Variants in LOXHD1 observed in about 807,000 individuals in gnomAD.
The protein encoded by LOXHD1 is lipoxygenase homology PLAT domains 1.
Under a neutral mutation model 248.2 loss-of-function variants are expected in LOXHD1, and 205 were observed. The ratio of observed to expected loss-of-function variants is 0.83; its 90% CI spans 0.74 to 0.93. The LOEUF (loss-of-function observed/expected upper bound fraction) is 0.93, where lower values mean the gene tolerates loss of function less well. Ranked by LOEUF, LOXHD1 falls within the 40% of genes least tolerant of loss-of-function variation. The pLI, the probability that LOXHD1 is intolerant of heterozygous loss-of-function variation, is 0.00. For synonymous variants in LOXHD1, 1,113 were observed against 1,162.8 expected, an observed-to-expected ratio of 0.96 and a Z score of 0.87; for missense variants, 2,930 against 2,971.6, an observed-to-expected ratio of 0.99 and a Z score of 0.33.
chr18:46,638,483 A>G lies in LOXHD1; in HGVS notation c.511+1133T>C, dbSNP rs544001648. Among the ~76,000 whole-genome samples the G allele has an allele frequency of 5.9e-5, 9 of 152,304 alleles. No individual in the cohort carries two copies. In the South Asian group the frequency reaches 1.9e-3, roughly 32 times the overall value. On this transcript the variant is annotated intron_variant, in intron 4 of 40. Transcript: ENST00000642948. ...CTCGTCTCTACGGTAAATACAAAAA[A>G]TTAGCTGGGTGTGGTGTCAGGCACC...
At chr18:46,501,137 A>G (rs796445931) in intron 37 of LOXHD1, among the ~76,000 whole-genome samples, 33 of 152,324 alleles carry the variant, frequency 2.2e-4, no homozygotes, top group African/African-American at 7.9e-4. Context: ...GATCTTCGTT[A>G]TTCACATGTT....
intron 33 of LOXHD1, among the ~76,000 whole-genome samples, chr18:46,519,261 A>C (rs1444662172): frequency 6.6e-6 from 1 of 152,140 alleles, no homozygotes; most frequent in East Asian, 1.9e-4. Context: ...CTTTGAACGT[A>C]CCTGGTCCAG....
rs1480607804 is a variant in LOXHD1 at position 46,522,179 on chromosome 18, C to T, written c.5007G>A (p.Gly1669=). ...CAGAGCCACGGCTGAAGCCCCTCTT[C>T]CCTCGGGGGTAGTCCAACCAGATGC... is the stretch of plus-strand genomic sequence containing the variant. ...SKRIWLDYPR[G]KRGFSRGSVE... Residue 1669 remains glycine, a synonymous_variant, in exon 32 of 41, where the codon GGG becomes GGA. Transcript: ENST00000642948. 6.4e-7 allele frequency: 1 copy of T among 1,551,738 alleles called. No homozygotes were observed. The highest frequency in any genetic ancestry group is 2.4e-5 in the East Asian group (1 of 40,920).
chr18:46,560,048 T>TCCCGGCC, intron 19 of LOXHD1, 35 bp downstream of exon 19: 2 of 1,226,298 alleles, frequency 1.6e-6, no homozygotes, highest in Non-Finnish European at 2.3e-6. Context: ...GTCTGGCCAC[T>TCCCGGCC]CCCTCCCCAC....
At chr18:46,553,038 C>T (rs781362687) in intron 21 of LOXHD1, among the ~76,000 whole-genome samples, 2 of 152,196 alleles carry the variant, frequency 1.3e-5, no homozygotes, top group Non-Finnish European at 2.9e-5. Context: ...ACCCATGACT[C>T]CCTCCTCTGA....
At chr18:46,483,820 T>C in intron 39 of LOXHD1, 75 bp from the exon 40 acceptor site, 1 of 1,492,426 alleles carries the variant, frequency 6.7e-7, no homozygotes, top group Non-Finnish European at 9.0e-7. Flanking sequence ...GGGGGCCTGC[T>C]GCATTCCAAG....
chr18:46,584,415 G>C (rs1282171452), intron 12 of LOXHD1, among the ~76,000 whole-genome samples: 1 of 152,084 alleles, frequency 6.6e-6, no homozygotes, highest in African/African-American at 2.4e-5. Flanking sequence ...AATGATAAAT[G>C]CATGAGGTGA....
Position 46,522,161 on chromosome 18 carries a change from A to T in LOXHD1, c.5025T>A (p.Arg1675=). 1 of 1,551,672 alleles carries T rather than the reference A, an allele frequency of 6.4e-7. No individual in the cohort carries two copies. Among genetic ancestry groups the T allele is most frequent in the Non-Finnish European group, 8.7e-7 (1 of 1,146,998 alleles). The change falls in exon 32 of 41, where the codon CGT becomes CGA. Residue 1675 remains arginine (R), a synonymous_variant. Transcript: ENST00000642948. ...DYPRGKRGFS[R]GSVEEFYVAG... is the part of the protein sequence containing the mutation. ...CGACGTAGAACTCCTCCACAGAGCC[A>T]CGGCTGAAGCCCCTCTTCCCTCGGG... is the stretch of plus-strand genomic sequence containing the variant.
intron 4 of LOXHD1, among the ~76,000 whole-genome samples, chr18:46,638,135 G>A (rs1027727071): frequency 2.0e-5 from 3 of 152,096 alleles, no homozygotes; most frequent in African/African-American, 4.8e-5. Context: ...GCTGTGAAAC[G>A]GGGTGTTGCA....
rs1460793232 is a variant in LOXHD1 at position 46,560,327 on chromosome 18, C to T, written c.2817G>A (p.Lys939=). The T allele has an allele frequency of 6.4e-7, 1 of 1,552,108 alleles. No individual in the cohort carries two copies. Among genetic ancestry groups the T allele is most frequent in the Non-Finnish European group, 8.7e-7 (1 of 1,147,206 alleles). ...KERLKAKLQR[K]KKKRKGSDEE... ...CGTCGCTGCCCTTCCTCTTCTTCTT[C>T]TTCCTCTGCAGCTTGGCCTTCAGCC... Residue 939 remains lysine (K), a synonymous_variant, in exon 19 of 41, where the codon AAG becomes AAA. Transcript: ENST00000642948.
chr18:46,586,341 C>A, intron 12 of LOXHD1, among the ~76,000 whole-genome samples: 1 of 152,034 alleles, frequency 6.6e-6, no homozygotes, highest in Non-Finnish European at 1.5e-5. Context: ...GATGGATGCA[C>A]GATTTTATTA....
In LOXHD1 at chr18:46,518,208, T is replaced by G. The variant is rs1322558955; in HGVS notation, c.5320A>C (p.Thr1774Pro). ...VWTGDVVGGG[T>P]DSNIFMTLYG... ...AGGGTCATGAAGATGTTGGAGTCAG[T>G]GCCCCCGCCAACCACATCCCCTGTC... The change falls in exon 34 of 41, where the codon ACT (threonine) becomes CCT (proline). Residue 1774 changes from threonine to proline, a missense_variant. Thr to Pro is a conservative substitution (Grantham distance 38, BLOSUM62 -1). Coordinates refer to ENST00000642948, the MANE Select transcript of LOXHD1 (RefSeq NM_001384474.1). 1.9e-6 allele frequency: 3 copies of G among 1,551,688 alleles called. No individual in the cohort carries two copies. In the South Asian group the frequency reaches 3.6e-5, roughly 18 times the overall value.
intron 21 of LOXHD1, among the ~76,000 whole-genome samples, chr18:46,550,401 G>A (rs1020754712): frequency 7.9e-5 from 12 of 151,256 alleles, no homozygotes; most frequent in South Asian, 2.1e-4. Context: ...GTGAAACCCC[G>A]TCTCTACTAA....
intron 12 of LOXHD1, among the ~76,000 whole-genome samples, chr18:46,590,576 G>A (rs2038147635): frequency 6.6e-6 from 1 of 152,158 alleles, no homozygotes; most frequent in Non-Finnish European, 1.5e-5. Context: ...TCAGGTTAGT[G>A]CAAAAGTAAT....
At chr18:46,624,580 A>T (rs1488716197) in intron 4 of LOXHD1, among the ~76,000 whole-genome samples, 3 of 152,106 alleles carry the variant, frequency 2.0e-5, no homozygotes, top group Non-Finnish European at 4.4e-5. Context: ...TCAGGCCTGG[A>T]CACCCATTGC....
chr18:46,592,143 T>A, intron 11 of LOXHD1, 75 bp from the exon 12 acceptor site: 4 of 1,504,782 alleles, frequency 2.7e-6, no homozygotes, highest in Non-Finnish European at 3.6e-6. Context: ...CCCATTCTGC[T>A]ATCTCATTGC....
intron 14 of LOXHD1, among the ~76,000 whole-genome samples, chr18:46,574,174 C>T (rs2037809452): frequency 6.6e-6 from 1 of 152,116 alleles, no homozygotes; most frequent in African/African-American, 2.4e-5. Flanking sequence ...CCCCCAGGCC[C>T]TCCCCAGCAG....
chr18:46,531,998 A>G (rs575940555), intron 28 of LOXHD1, among the ~76,000 whole-genome samples: 22 of 152,324 alleles, frequency 1.4e-4, no homozygotes, highest in East Asian at 7.7e-4. Context: ...ACTTCTGGTG[A>G]CAAAAAAGGA....
chr18:46,606,913 C>T (rs572116101), intron 6 of LOXHD1, among the ~76,000 whole-genome samples: 87 of 152,196 alleles, frequency 5.7e-4, no homozygotes, highest in African/African-American at 2.0e-3. Flanking sequence ...CACCTGTAAA[C>T]ACAGCACTTT....
Sources: gnomAD v4.1 joint callset for allele counts (sites outside exome capture counted in the v4.1 genomes callset) on GRCh38, gnomAD v4.1.1 for gene constraint, MANE v1.5 for transcripts, NCBI Gene and HGNC (gene_info 2026-07-23, HGNC 2026-07-21) for gene names.